NCOA2: variants seen among roughly 807,000 people sequenced by gnomAD.
The protein encoded by NCOA2 is nuclear receptor coactivator 2.
In NCOA2, 21 loss-of-function variants were observed where a neutral mutation model predicts 145.1. That is an observed-to-expected ratio of 0.14 (90% CI 0.10 to 0.21). NCOA2 has a LOEUF of 0.21. Among genes scored for constraint, NCOA2 ranks in the 10% least tolerant of loss-of-function variants. The pLI, the probability that NCOA2 is intolerant of heterozygous loss-of-function variation, is 1.00. For synonymous variants in NCOA2, 619 were observed against 637.5 expected (o/e 0.97, Z 0.44); for missense variants, 1,472 against 1,837.6 (o/e 0.80, Z 3.64).
intron 2 of NCOA2, among the ~76,000 whole-genome samples, chr8:70,272,644 G>C (rs1460722769): frequency 6.6e-6 from 1 of 152,034 alleles, no homozygotes; most frequent in Non-Finnish European, 1.5e-5. Flanking sequence ...CACGTAAGAG[G>C]GAACACCAGA....
At chr8:70,285,100 T>C (rs1371528070) in intron 2 of NCOA2, among the ~76,000 whole-genome samples, 2 of 152,242 alleles carry the variant, frequency 1.3e-5, no homozygotes, top group African/African-American at 4.8e-5. Context: ...CATGGTCTTA[T>C]AATATCCTTA....
At chr8:70,314,479 A>T (rs902099710) in intron 1 of NCOA2, among the ~76,000 whole-genome samples, 1 of 152,282 alleles carries the variant, frequency 6.6e-6, no homozygotes, top group South Asian at 2.1e-4. Flanking sequence ...TTGAACTACC[A>T]TCTCCAGTGC....
intron 1 of NCOA2, among the ~76,000 whole-genome samples, chr8:70,349,534 G>A (rs529231743): frequency 8.6e-5 from 13 of 152,012 alleles, no homozygotes; most frequent in Middle Eastern, 6.8e-3. Flanking sequence ...AGCAAACTCC[G>A]TATAGAAGGA....
At chr8:70,163,957 T>C (rs4236981) in intron 7 of NCOA2, among the ~76,000 whole-genome samples, 6,914 of 152,292 alleles carry the variant, frequency 0.045, 264 homozygotes, top group East Asian at 0.16. Context: ...ACAAAAATGA[T>C]GAAACTAAAA....
rs979267085 is a variant in NCOA2, at chr8:70,383,143, C to T, written c.-77+20557G>A. On this transcript the variant is annotated intron_variant, in intron 1 of 22. Coordinates refer to ENST00000452400, the MANE Select transcript of NCOA2 (RefSeq NM_006540.4). ...CTTCAGATGTTCGTGCACACAGGTA[C>T]GCGCTTCCAGAGAAGTCCTATCAAG... 5.9e-5 allele frequency among the ~76,000 whole-genome samples: 9 copies of T among 152,308 alleles called. 1 individual carries two copies. The highest frequency in any genetic ancestry group is 2.4e-5 in the African/African-American group (1 of 41,558).
intron 2 of NCOA2, among the ~76,000 whole-genome samples, chr8:70,219,630 G>A (rs1819962305): frequency 6.6e-6 from 1 of 152,018 alleles, no homozygotes. Flanking sequence ...AGACAGACCT[G>A]AGACCAAAAG....
At chr8:70,449,837 C>A in the NCOA2 span, among the ~76,000 whole-genome samples, 1 of 152,206 alleles carries the variant, frequency 6.6e-6, no homozygotes, top group Admixed American at 6.5e-5. Flanking sequence ...TATTAGAAAG[C>A]ATCGATGTCA....
intron 14 of NCOA2, among the ~76,000 whole-genome samples, chr8:70,138,915 A>G (rs1810056221): frequency 6.6e-6 from 1 of 152,270 alleles, no homozygotes; most frequent in Admixed American, 6.5e-5. Flanking sequence ...CGCTTGGGCG[A>G]TAATAAGAGT....
At chr8:70,399,676 T>C (rs1203445101) in intron 1 of NCOA2, among the ~76,000 whole-genome samples, 4 of 152,254 alleles carry the variant, frequency 2.6e-5, no homozygotes, top group African/African-American at 9.6e-5. Flanking sequence ...AGCATTAACT[T>C]GGCTTTTAAA....
At chr8:70,334,213 G>A (rs1807366443) in intron 1 of NCOA2, among the ~76,000 whole-genome samples, 1 of 152,010 alleles carries the variant, frequency 6.6e-6, no homozygotes, top group Admixed American at 6.6e-5. Flanking sequence ...ACTTCAGATG[G>A]ACACCAAAGA....
At chr8:70,405,684 T>TA (rs1360386597), upstream of NCOA2, among the ~76,000 whole-genome samples, 2 of 149,740 alleles carry the variant, frequency 1.3e-5, no homozygotes, top group African/African-American at 4.9e-5. Flanking sequence ...AATAAATAAA[T>TA]AAAAATTTAA....
chr8:70,373,691 T>C (rs924251865), intron 1 of NCOA2, among the ~76,000 whole-genome samples: 1 of 152,208 alleles, frequency 6.6e-6, no homozygotes. Flanking sequence ...TTTAGGCCTA[T>C]GAGCCACTTC....
intron 2 of NCOA2, among the ~76,000 whole-genome samples, chr8:70,281,673 C>T (rs1476562079): frequency 2.6e-5 from 4 of 152,262 alleles, no homozygotes; most frequent in Admixed American, 2.6e-4. Context: ...AGAAACATAG[C>T]CTTCTCTTCC....
Position 70,138,206 on chromosome 8 carries a change from T to C in NCOA2, c.3155A>G (p.Asn1052Ser), listed in dbSNP as rs752318772. 1 of 1,612,480 alleles carries C rather than the reference T, an allele frequency of 6.2e-7. No homozygotes were observed. The highest frequency in any genetic ancestry group is 1.7e-5 in the Admixed American group (1 of 59,568). Residue 1052 changes from asparagine to serine, a missense_variant, in exon 15 of 23, where the codon AAC becomes AGC. By Grantham distance (46) the Asn-to-Ser change is conservative. Transcript: ENST00000452400. Reference sequence around the variant, plus strand: ...ACCCTAGGTGCTCAGGACTCACCTGTTTTGGCTGGCAAAAGACGCCTGGTC... The same window carrying C: ...ACCCTAGGTGCTCAGGACTCACCTGCTTTGGCTGGCAAAAGACGCCTGGTC... ...PIDQASFASQ[N>S]RQPFGSSPDD...
At chr8:70,351,654 T>C (rs980191712) in intron 1 of NCOA2, among the ~76,000 whole-genome samples, 6 of 150,808 alleles carry the variant, frequency 4.0e-5, no homozygotes, top group Non-Finnish European at 8.9e-5. Flanking sequence ...AGCAAGATCG[T>C]AGCTCACTGC....
chr8:70,421,371 C>T, the NCOA2 span, among the ~76,000 whole-genome samples: 6 of 151,786 alleles, frequency 4.0e-5, no homozygotes, highest in South Asian at 2.1e-4. Context: ...GGAAACATAG[C>T]GAGACCCCCA....
intron 20 of NCOA2, 99 bp downstream of exon 20, chr8:70,124,589 A>G: frequency 1.6e-6 from 2 of 1,237,122 alleles, no homozygotes; most frequent in Non-Finnish European, 2.2e-6. Flanking sequence ...TACGTTTGAT[A>G]AAAACAAACA....
intron 11 of NCOA2, among the ~76,000 whole-genome samples, chr8:70,150,160 G>C (rs1811579402): frequency 6.6e-6 from 1 of 152,208 alleles, no homozygotes; most frequent in Admixed American, 6.5e-5. Flanking sequence ...CGCATTGTTA[G>C]AGCAATTACA....
intron 2 of NCOA2, among the ~76,000 whole-genome samples, chr8:70,282,496 G>A (rs1713985509): frequency 6.6e-6 from 1 of 152,046 alleles, no homozygotes; most frequent in South Asian, 2.1e-4. Context: ...GACCAGCCTG[G>A]TCAACATGGT....
Sources: allele counts gnomAD v4.1 joint callset (sites outside exome capture counted in the v4.1 genomes callset), GRCh38; gene constraint gnomAD v4.1.1; transcripts MANE v1.5; gene names NCBI Gene and HGNC (gene_info 2026-07-23, HGNC 2026-07-21).